SLC44A2: variants seen among roughly 807,000 people sequenced by gnomAD.
SLC44A2 encodes solute carrier family 44 member 2 (CTL2 blood group), also known as choline transporter-like protein 2.
Under a neutral mutation model 90.8 loss-of-function variants are expected in SLC44A2, and 57 were observed. The ratio of observed to expected loss-of-function variants is 0.63; its 90% CI spans 0.51 to 0.78. The LOEUF (loss-of-function observed/expected upper bound fraction) is 0.78, where lower values mean the gene tolerates loss of function less well. Among genes scored for constraint, SLC44A2 ranks in the 30% least tolerant of loss-of-function variants. The pLI, the probability that SLC44A2 is intolerant of heterozygous loss-of-function variation, is 0.00. For missense variants in SLC44A2, 794 were observed against 919.7 expected (o/e 0.86, Z 1.77); for synonymous variants, 355 against 360.7 (o/e 0.98, Z 0.18).
intron 13 of SLC44A2, 40 bp downstream of exon 13, chr19:10,635,295 G>C: frequency 6.2e-6 from 10 of 1,609,780 alleles, no homozygotes; most frequent in Non-Finnish European, 8.5e-6. Flanking sequence ...CCCAGGGATG[G>C]CTAAAGACCA....
intron 1 of SLC44A2, among the ~76,000 whole-genome samples, chr19:10,611,891 A>C (rs139004402): frequency 1.5e-4 from 23 of 152,114 alleles, no homozygotes; most frequent in Non-Finnish European, 3.1e-4. Context: ...TGGCAGGGGG[A>C]CTAAAAGCTA....
In SLC44A2 at chr19:10,635,431, C is replaced by T. The variant is rs368970638; in HGVS notation, c.1149C>T (p.Val383=). The part of the protein sequence containing the change: ...LCIAYWASTA[V]FLSTSNEAVY... ...CTCTGCTTCCTTAACGAACCTCCAG[C>T]TTCCTGTCCACTTCCAACGAAGCGG... The change falls in exon 14 of 22, where the codon GTC becomes GTT. Residue 383 remains valine, a splice_region_variant and synonymous_variant. Transcript: ENST00000335757. 9.9e-6 allele frequency: 16 copies of T among 1,614,038 alleles called. No homozygotes were observed. The South Asian group carries it at 1.1e-4, about 11-fold the overall frequency.
In SLC44A2 at chr19:10,643,649, A is replaced by G. The variant is rs1042357286; in HGVS notation, c.*264A>G. 3 of 318,622 alleles carry G rather than the reference A, an allele frequency of 9.4e-6. No homozygotes were observed. The highest frequency in any genetic ancestry group is 1.8e-5 in the Non-Finnish European group (3 of 169,740). The allele number at this position is 318,622 out of a possible 1,614,324, so 19.7% of individuals were successfully genotyped here. On this transcript the variant is annotated 3_prime_UTR_variant, in exon 22 of 22. Coordinates refer to ENST00000335757, the MANE Select transcript of SLC44A2 (RefSeq NM_020428.4). The stretch of plus-strand genomic sequence containing the variant: ...CCATTGGGGCCTCTTGATGTCTGGG[A>G]TGGCACGTGGCCCGACCTCCACAAG...
At chr19:10,605,594 G>A (rs565892860) in intron 1 of SLC44A2, among the ~76,000 whole-genome samples, 26 of 152,236 alleles carry the variant, frequency 1.7e-4, no homozygotes, top group African/African-American at 5.8e-4. Flanking sequence ...GGCTGAGGCC[G>A]GAGAATCGCT....
intron 1 of SLC44A2, among the ~76,000 whole-genome samples, chr19:10,611,071 C>T (rs1186420691): frequency 6.6e-6 from 1 of 152,036 alleles, no homozygotes; most frequent in Non-Finnish European, 1.5e-5. Flanking sequence ...TTGAATTCCC[C>T]GGCTGAAGCG....
chr19:10,602,974 C>T (rs1679418870), intron 1 of SLC44A2, among the ~76,000 whole-genome samples: 1 of 152,178 alleles, frequency 6.6e-6, no homozygotes, highest in Admixed American at 6.6e-5. Flanking sequence ...CAGAAGTAGC[C>T]GTCCGGGGCT....
Position 10,610,214 on chromosome 19 carries a change from T to C in SLC44A2, c.31+7653T>C, listed in dbSNP as rs755374978. 3.3e-4 allele frequency among the ~76,000 whole-genome samples: 50 copies of C among 152,006 alleles called. 1 individual carries two copies. The highest frequency in any genetic ancestry group is 1.2e-4 in the Non-Finnish European group (8 of 67,982). ...GGTTGTGAAAAAAGAAAAAAAAATA[T>C]ATATATATGACAGATGATATGTGAA... On this transcript the variant is annotated intron_variant, in intron 1 of 21. Coordinates refer to the SLC44A2 transcript ENST00000407327.
chr19:10,607,004 C>T (rs916899232), intron 1 of SLC44A2, among the ~76,000 whole-genome samples: 1 of 150,020 alleles, frequency 6.7e-6, no homozygotes, highest in Non-Finnish European at 1.5e-5. Flanking sequence ...CTCCGCCTCC[C>T]GGGTTCACGC....
At chr19:10,618,958 C>CTTTTT (rs772955506) in intron 1 of SLC44A2, among the ~76,000 whole-genome samples, 8 of 100,098 alleles carry the variant, frequency 8.0e-5, no homozygotes, top group East Asian at 3.0e-4. Flanking sequence ...GTATACAATT[C>CTTTTT]TTTTTTTTTT....
At position 10,631,165 on chromosome 19, in the gene SLC44A2, T is replaced by A. The variant is rs774730088; in HGVS notation, c.330+24T>A. 3.1e-6 allele frequency: 5 copies of A among 1,608,336 alleles called. No individual in the cohort carries two copies. The South Asian group carries it at 5.5e-5, about 18-fold the overall frequency. On this transcript the variant is annotated intron_variant, in intron 5 of 21. Coordinates refer to ENST00000335757, the MANE Select transcript of SLC44A2 (RefSeq NM_020428.4). ...AGGTAACCTGGTCCCCACCGTTCCC[T>A]TTTTCCTCTCCCCGCTTCCCATCCT...
intron 1 of SLC44A2, among the ~76,000 whole-genome samples, chr19:10,607,947 C>T (rs1048600584): frequency 1.3e-5 from 2 of 150,284 alleles, no homozygotes; most frequent in African/African-American, 2.4e-5. Context: ...TTAGTAGAGA[C>T]GGGATTTCAC....
chr19:10,632,344 C>T (rs2067006295), intron 10 of SLC44A2, among the ~76,000 whole-genome samples, 188 bp downstream of exon 10: 1 of 151,942 alleles, frequency 6.6e-6, no homozygotes, highest in South Asian at 2.1e-4. Context: ...CAAGACCAGC[C>T]TGACCAACAT....
At position 10,631,475 on chromosome 19, in the gene SLC44A2, G is replaced by A. The variant is rs755009235; in HGVS notation, c.442G>A (p.Gly148Arg). 3 of 1,613,982 alleles carry A rather than the reference G, an allele frequency of 1.9e-6. No individual in the cohort carries two copies. The highest frequency in any genetic ancestry group is 2.7e-5 in the African/African-American group (2 of 74,924). Residue 148 changes from glycine to arginine, a missense_variant and splice_region_variant, in exon 7 of 22, where the codon GGA becomes AGA. Around this residue, in one of 3 missense-constraint regions of SLC44A2, gnomAD observed 738 missense variants for 841.1 expected, o/e 0.88. Transcript: ENST00000335757. The part of the protein sequence containing the change: ...FCVPGFKNNK[G>R]VAEVLQDGDC... ...CACCTCCCTCCATCTCTCTTGGCAGGGAGTGGCTGAGGTGCTTCAAGATGG... is the reference window on the plus strand; with the variant it reads ...CACCTCCCTCCATCTCTCTTGGCAGAGAGTGGCTGAGGTGCTTCAAGATGG...
At chr19:10,631,005 CAA>C (rs60016481) in intron 4 of SLC44A2, 50 bp from the exon 5 acceptor site, 1,003 of 1,208,824 alleles carry the variant, frequency 8.3e-4, no homozygotes, top group Middle Eastern at 1.2e-3. Flanking sequence ...GACTCTGTCT[CAA>C]AAAAAAAAAA....
In SLC44A2 at chr19:10,611,342, C is replaced by T. The variant is rs1422917030; in HGVS notation, c.31+8781C>T. ...TGGCAGGTACCTGTAATCTCAGCTA[C>T]TCAGGGGGCTGAGGCAGGAGAATTG... On this transcript the variant is annotated intron_variant, in intron 1 of 21. Coordinates refer to the SLC44A2 transcript ENST00000407327. Among the ~76,000 whole-genome samples the T allele has an allele frequency of 2.6e-5, 4 of 152,086 alleles. No individual in the cohort carries two copies. The East Asian group carries it at 7.7e-4, about 29-fold the overall frequency.
chr19:10,625,377 T>G, upstream of SLC44A2: 2 of 957,116 alleles, frequency 2.1e-6, no homozygotes, highest in African/African-American at 1.7e-5. Flanking sequence ...GGTTCCCGGG[T>G]GGGGGCGGGG....
chr19:10,633,919 C>T (rs1406634268), intron 10 of SLC44A2, among the ~76,000 whole-genome samples: 2 of 150,244 alleles, frequency 1.3e-5, no homozygotes, highest in African/African-American at 4.9e-5. Flanking sequence ...GGGCGGATCA[C>T]CTGAGGTTGG....
intron 1 of SLC44A2, among the ~76,000 whole-genome samples, chr19:10,619,796 A>T (rs2066883756): frequency 6.6e-6 from 1 of 152,124 alleles, no homozygotes; most frequent in Non-Finnish European, 1.5e-5. Context: ...CTCTACTAAA[A>T]TACAAAAAAT....
rs376093595 is a variant in SLC44A2, at chr19:10,635,027, C to T, written c.1009C>T (p.Arg337Trp). The stretch of plus-strand genomic sequence containing the variant: ...TATCATCTTGCTGCTCATCTTTCTC[C>T]GGAAGAGAATTCTCATCGCGATTGC... ...VIIILLLIFL[R>W]KRILIAIALI... is the part of the protein sequence containing the mutation. The change falls in exon 12 of 22, where the codon CGG becomes TGG. Residue 337 changes from arginine (R) to tryptophan (W), a missense_variant. By Grantham distance (101) the Arg-to-Trp change is moderately radical. Coordinates refer to ENST00000335757, the MANE Select transcript of SLC44A2 (RefSeq NM_020428.4). 12 of 1,613,994 alleles carry T rather than the reference C, an allele frequency of 7.4e-6. No individual in the cohort carries two copies. Among genetic ancestry groups the T allele is most frequent in the African/African-American group, 1.3e-5 (1 of 74,886 alleles).
Sources: allele counts gnomAD v4.1 joint callset (sites outside exome capture counted in the v4.1 genomes callset), GRCh38; gene constraint gnomAD v4.1.1; regional missense constraint gnomAD v4.1.1; transcripts MANE v1.5; gene names NCBI Gene and HGNC (gene_info 2026-07-23, HGNC 2026-07-21).